Variants in LCOR observed in about 807,000 individuals in gnomAD.
The protein encoded by LCOR is ligand dependent nuclear receptor corepressor.
A neutral mutation model predicts 64.4 loss-of-function variants in LCOR; 14 were observed. The ratio of observed to expected loss-of-function variants is 0.22; its 90% CI spans 0.14 to 0.34. The LOEUF (loss-of-function observed/expected upper bound fraction) is 0.34, where lower values mean the gene tolerates loss of function less well. Among genes scored for constraint, LCOR ranks in the 10% least tolerant of loss-of-function variants. The probability of loss-of-function intolerance (pLI) is 1.00; values close to 1 mark genes in which losing one functional copy is unlikely to be tolerated. For synonymous variants in LCOR, 643 were observed against 642.5 expected, an observed-to-expected ratio of 1.00 and a Z score of -0.01; for missense variants, 1,686 against 1,765.3, an observed-to-expected ratio of 0.96 and a Z score of 0.80.
intron 4 of LCOR, among the ~76,000 whole-genome samples, chr10:96,933,466 C>G (rs1435787366): frequency 6.6e-6 from 1 of 151,990 alleles, no homozygotes; most frequent in African/African-American, 2.4e-5. Context: ...AACACAAGTC[C>G]CTGGTTAAGT....
Position 96,970,270 on chromosome 10 carries a change from T to C in LCOR, c.333-10523T>C, listed in dbSNP as rs1405734923. 3.3e-5 allele frequency among the ~76,000 whole-genome samples: 5 copies of C among 152,076 alleles called. No homozygotes were observed. In the East Asian group the frequency reaches 9.8e-4, roughly 30 times the overall value. Reference sequence around the variant, plus strand: ...AAAAATAACCGGGTGTGGTGGCGCTTGCCTGTAGTCCTAGCTACTCTGGAG... The same window carrying C: ...AAAAATAACCGGGTGTGGTGGCGCTCGCCTGTAGTCCTAGCTACTCTGGAG... On this transcript the variant is annotated intron_variant, in intron 7 of 7. Transcript: ENST00000421806.
intron 2 of LCOR, among the ~76,000 whole-genome samples, chr10:96,881,719 A>G (rs1266643136): frequency 5.3e-5 from 8 of 152,112 alleles, no homozygotes; most frequent in African/African-American, 1.9e-4. Context: ...AGCCTCCCAA[A>G]GTGTTGGTAT....
chr10:96,937,275 A>T (rs546179110), intron 4 of LCOR, among the ~76,000 whole-genome samples: 1 of 152,342 alleles, frequency 6.6e-6, no homozygotes, highest in African/African-American at 2.4e-5. Flanking sequence ...GAGGCAAGGA[A>T]GGACTCTTCT....
chr10:96,965,441 T>A (rs1847938789), intron 7 of LCOR, among the ~76,000 whole-genome samples: 1 of 150,494 alleles, frequency 6.6e-6, no homozygotes, highest in Admixed American at 6.6e-5. Flanking sequence ...GGCGAGCGGA[T>A]CACGAGGTCA....
At chr10:96,880,673 C>T (rs7082316) in intron 2 of LCOR, among the ~76,000 whole-genome samples, 21,011 of 152,230 alleles carry the variant, frequency 0.14, 1,969 homozygotes, top group African/African-American at 0.26. Flanking sequence ...GTTGACATTA[C>T]AGGCATGAGC....
At chr10:96,964,676 C>T (rs919641540) in intron 7 of LCOR, among the ~76,000 whole-genome samples, 4 of 152,014 alleles carry the variant, frequency 2.6e-5, no homozygotes, top group African/African-American at 4.8e-5. Context: ...TTTGATACCT[C>T]GGCGCTCAGA....
intron 4 of LCOR, among the ~76,000 whole-genome samples, chr10:96,941,090 G>T (rs1847456572): frequency 7.6e-6 from 1 of 131,392 alleles, no homozygotes; most frequent in Non-Finnish European, 1.6e-5. Context: ...TCCCGGACGG[G>T]GCGGCTGGCC....
rs1330856500 is a variant in LCOR at position 96,991,213 on chromosome 10, T to C, written c.*6079T>C. On this transcript the variant is annotated 3_prime_UTR_variant, in exon 8 of 8. Transcript: ENST00000421806. ...TTTTCATACAGTCCAGCAATTCTTT[T>C]AGATTTTAGAGTGTCTTGCCTGTTC... The C allele has an allele frequency of 6.6e-6, 1 of 152,152 alleles. No homozygotes were observed. The highest frequency in any genetic ancestry group is 2.4e-5 in the African/African-American group (1 of 41,426). 9.4% of individuals were successfully genotyped at this position (152,152 alleles called of 1,614,324 possible).
intron 2 of LCOR, among the ~76,000 whole-genome samples, chr10:96,859,703 G>A (rs1350840157): frequency 2.0e-5 from 3 of 152,084 alleles, no homozygotes; most frequent in Non-Finnish European, 4.4e-5. Context: ...CACCACAGGC[G>A]TGTGCTACCA....
At position 96,984,712 on chromosome 10, in the gene LCOR, A is replaced by G; in HGVS notation, c.4252A>G (p.Lys1418Glu). 6.2e-7 allele frequency: 1 copy of G among 1,613,926 alleles called. No individual in the cohort carries two copies. The highest frequency in any genetic ancestry group is 8.5e-7 in the Non-Finnish European group (1 of 1,179,984). ...PDSKNKGPTV[K>E]ASKEKHADGA... ...TAGTAAGAACAAGGGGCCTACGGTG[A>G]AAGCCAGCAAAGAAAAGCATGCTGA... Residue 1418 changes from lysine to glutamate, a missense_variant, in exon 8 of 8, where the codon AAA (lysine) becomes GAA (glutamate). Coordinates refer to ENST00000421806, the MANE Select transcript of LCOR (RefSeq NM_001346516.2).
At chr10:96,973,282 G>T (rs1263566673) in intron 7 of LCOR, among the ~76,000 whole-genome samples, 1 of 152,132 alleles carries the variant, frequency 6.6e-6, no homozygotes, top group Non-Finnish European at 1.5e-5. Context: ...TTGTTCAGGG[G>T]TTTTAAAGTA....
intron 1 of LCOR, chr10:96,833,105 C>T (rs1845374903): frequency 4.1e-6 from 4 of 985,706 alleles, no homozygotes; most frequent in Non-Finnish European, 4.8e-6. Context: ...AGTTAATCCT[C>T]GACGCACGGG....
chr10:96,841,126 A>G (rs1301203475), intron 2 of LCOR, among the ~76,000 whole-genome samples: 2 of 152,222 alleles, frequency 1.3e-5, no homozygotes, highest in Non-Finnish European at 2.9e-5. Flanking sequence ...CCTGAGGGAC[A>G]GAGTGAGACC....
At chr10:96,905,153 T>C (rs1050562736) in intron 2 of LCOR, among the ~76,000 whole-genome samples, 2 of 152,200 alleles carry the variant, frequency 1.3e-5, no homozygotes, top group Admixed American at 6.5e-5. Context: ...AATTTTCTTA[T>C]GTCAGATTCT....
intron 2 of LCOR, among the ~76,000 whole-genome samples, chr10:96,883,763 A>G (rs1293741474): frequency 1.3e-5 from 2 of 152,158 alleles, no homozygotes; most frequent in Admixed American, 6.5e-5. Context: ...TCTTTTGCAG[A>G]TATTTATTTC....
At chr10:96,935,200 A>G (rs9702665) in intron 4 of LCOR, among the ~76,000 whole-genome samples, 47,894 of 135,718 alleles carry the variant, frequency 0.35, 11,796 homozygotes, top group African/African-American at 0.7. Context: ...CCAGTCTGGA[A>G]TGCAGTGGTA....
chr10:96,940,302 GA>G (rs1303020061), intron 4 of LCOR, among the ~76,000 whole-genome samples: 3 of 98,004 alleles, frequency 3.1e-5, no homozygotes, highest in South Asian at 3.8e-4. Context: ...AGGTGGTCAT[GA>G]TTTTTTTTTT....
intron 7 of LCOR, among the ~76,000 whole-genome samples, chr10:96,978,200 T>C (rs1408967274): frequency 6.6e-6 from 1 of 152,200 alleles, no homozygotes; most frequent in Non-Finnish European, 1.5e-5. Flanking sequence ...TGCATGAGGA[T>C]TCTGTTGAGC....
intron 2 of LCOR, among the ~76,000 whole-genome samples, chr10:96,906,177 G>A (rs868306674): frequency 6.6e-6 from 1 of 152,188 alleles, no homozygotes; most frequent in African/African-American, 2.4e-5. Flanking sequence ...GACAGATTAT[G>A]TGGCAAAATA....
Sources: allele counts gnomAD v4.1 joint callset (sites outside exome capture counted in the v4.1 genomes callset), GRCh38; gene constraint gnomAD v4.1.1; transcripts MANE v1.5; gene names NCBI Gene and HGNC (gene_info 2026-07-23, HGNC 2026-07-21).